MACROD2: variants seen among roughly 807,000 people sequenced by gnomAD.
MACROD2 encodes mono-ADP ribosylhydrolase 2, also known as ADP-ribose glycohydrolase MACROD2.
In MACROD2, 36 loss-of-function variants were observed where a neutral mutation model predicts 70.4. The ratio of observed to expected loss-of-function variants is 0.51; its 90% confidence interval spans 0.39 to 0.68. MACROD2 has a LOEUF of 0.68. Among genes scored for constraint, MACROD2 ranks in the 30% least tolerant of loss-of-function variants. MACROD2 has a pLI of 0.00. For synonymous variants in MACROD2, 172 were observed against 178.8 expected, an observed-to-expected ratio of 0.96 and a Z score of 0.30; for missense variants, 496 against 538.4, an observed-to-expected ratio of 0.92 and a Z score of 0.78.
intron 8 of MACROD2, among the ~76,000 whole-genome samples, chr20:15,536,111 C>A (rs1263652518): frequency 1.3e-5 from 2 of 152,160 alleles, no homozygotes; most frequent in Non-Finnish European, 2.9e-5. Flanking sequence ...GATACCGTTC[C>A]CCCTCATCAG....
At chr20:16,009,615 A>G (rs2066834766) in intron 15 of MACROD2, among the ~76,000 whole-genome samples, 1 of 152,038 alleles carries the variant, frequency 6.6e-6, no homozygotes, top group Admixed American at 6.6e-5. Context: ...AAATTAGCCA[A>G]GCATGGTGGC....
intron 7 of MACROD2, among the ~76,000 whole-genome samples, chr20:15,448,211 T>C (rs1464333023): frequency 6.6e-6 from 1 of 152,066 alleles, no homozygotes; most frequent in East Asian, 1.9e-4. Context: ...CCAGCATGGC[T>C]TTCAAGCCCT....
chr20:15,494,441 C>A (rs75466021), intron 7 of MACROD2, among the ~76,000 whole-genome samples: 1 of 151,876 alleles, frequency 6.6e-6, no homozygotes, highest in African/African-American at 2.4e-5. Context: ...CATCAACACT[C>A]GACTGGATAA....
intron 6 of MACROD2, among the ~76,000 whole-genome samples, chr20:15,365,004 C>G (rs976491404): frequency 6.6e-6 from 1 of 152,174 alleles, no homozygotes; most frequent in African/African-American, 2.4e-5. Context: ...GTTTTACTGT[C>G]AAAGGCAGAA....
chr20:15,970,892 A>G (rs1203028408), intron 13 of MACROD2, among the ~76,000 whole-genome samples: 1 of 152,184 alleles, frequency 6.6e-6, no homozygotes, highest in Non-Finnish European at 1.5e-5. Flanking sequence ...GCAGAGCAAA[A>G]CAGGCAATAG....
At chr20:15,324,754 A>G (rs925496766) in intron 6 of MACROD2, among the ~76,000 whole-genome samples, 1 of 152,168 alleles carries the variant, frequency 6.6e-6, no homozygotes, top group East Asian at 1.9e-4. Flanking sequence ...AAAGTCATCA[A>G]CCACAAGGGA....
At chr20:15,166,791 T>C (rs150770172) in intron 5 of MACROD2, among the ~76,000 whole-genome samples, 167 of 151,750 alleles carry the variant, frequency 1.1e-3, no homozygotes, top group African/African-American at 3.7e-3. Flanking sequence ...AAGATTATGA[T>C]GTGGGTCTTA....
At chr20:14,394,460 G>T in intron 3 of MACROD2, among the ~76,000 whole-genome samples, 1 of 152,110 alleles carries the variant, frequency 6.6e-6, no homozygotes. Context: ...CTCATAAATT[G>T]CAACCCTGCT....
At chr20:15,118,509 G>A (rs932794811) in intron 5 of MACROD2, among the ~76,000 whole-genome samples, 6 of 152,036 alleles carry the variant, frequency 3.9e-5, no homozygotes, top group Non-Finnish European at 7.4e-5. Context: ...GCTCTTGACT[G>A]AACCTATTAC....
chr20:14,982,791 T>G lies in MACROD2; in HGVS notation c.419-247149T>G, dbSNP rs569684266. On this transcript the variant is annotated intron_variant, in intron 5 of 17. Coordinates refer to ENST00000684519, the MANE Select transcript of MACROD2 (RefSeq NM_001351661.2). ...TGGGGTCCTCACAGAGAACCTCTCCTAGGGCAGTGCATTGGGCAGTGTGGG... is the reference window on the plus strand; with the variant it reads ...TGGGGTCCTCACAGAGAACCTCTCCGAGGGCAGTGCATTGGGCAGTGTGGG... Among the ~76,000 whole-genome samples the G allele has an allele frequency of 3.9e-5, 6 of 152,324 alleles. No individual in the cohort carries two copies. In the South Asian group the frequency reaches 1.0e-3, roughly 26 times the overall value.
At chr20:14,593,612 T>C (rs1488416214) in intron 4 of MACROD2, among the ~76,000 whole-genome samples, 1 of 152,176 alleles carries the variant, frequency 6.6e-6, no homozygotes, top group Admixed American at 6.5e-5. Context: ...GAAATATTTG[T>C]GTCAGAAGAT....
intron 5 of MACROD2, among the ~76,000 whole-genome samples, chr20:15,000,408 G>A (rs1419047856): frequency 2.3e-5 from 3 of 130,442 alleles, no homozygotes; most frequent in Middle Eastern, 3.8e-3. Context: ...TGGATCATGA[G>A]GTCAGGAGAT....
At chr20:15,031,879 T>G (rs896920023) in intron 5 of MACROD2, among the ~76,000 whole-genome samples, 1 of 152,088 alleles carries the variant, frequency 6.6e-6, no homozygotes, top group Non-Finnish European at 1.5e-5. Context: ...ACTCGCGCCT[T>G]TCTCCCCAGG....
intron 5 of MACROD2, among the ~76,000 whole-genome samples, chr20:15,042,155 T>A (rs2075361142): frequency 1.3e-5 from 2 of 152,184 alleles, no homozygotes; most frequent in Non-Finnish European, 2.9e-5. Context: ...TAAATTATCC[T>A]ATGACAAATA....
At chr20:14,386,664 T>A (rs561377360) in intron 3 of MACROD2, among the ~76,000 whole-genome samples, 5 of 152,294 alleles carry the variant, frequency 3.3e-5, no homozygotes, top group African/African-American at 1.2e-4. Flanking sequence ...TTTTGCCTTC[T>A]GCCATGATTA....
chr20:14,420,776 T>C (rs2083867651), intron 3 of MACROD2, among the ~76,000 whole-genome samples: 1 of 152,170 alleles, frequency 6.6e-6, no homozygotes, highest in Admixed American at 6.5e-5. Flanking sequence ...CACTGAAGCC[T>C]CAACTCCTAG....
intron 5 of MACROD2, among the ~76,000 whole-genome samples, chr20:15,019,566 C>T (rs1456998015): frequency 1.3e-5 from 2 of 152,150 alleles, no homozygotes; most frequent in Non-Finnish European, 2.9e-5. Flanking sequence ...GACTAACAGA[C>T]AGCTTTCCTT....
intron 7 of MACROD2, among the ~76,000 whole-genome samples, chr20:15,499,165 A>G (rs1050265030): frequency 2.6e-5 from 4 of 152,242 alleles, no homozygotes; most frequent in African/African-American, 7.2e-5. Context: ...GGGACAAAGC[A>G]TAAGTCTGTC....
chr20:15,766,910 G>A (rs1320312139), intron 8 of MACROD2, among the ~76,000 whole-genome samples: 1 of 152,190 alleles, frequency 6.6e-6, no homozygotes, highest in African/African-American at 2.4e-5. Flanking sequence ...TGGCAGAAGG[G>A]ATCCACCTAG....
Sources: gnomAD v4.1 joint callset for allele counts (sites outside exome capture counted in the v4.1 genomes callset) on GRCh38, gnomAD v4.1.1 for gene constraint, MANE v1.5 for transcripts, NCBI Gene and HGNC (gene_info 2026-07-23, HGNC 2026-07-21) for gene names.